Variants in SPACA6 observed in about 807,000 individuals in gnomAD.
The protein encoded by SPACA6 is sperm acrosome membrane-associated protein 6.
For synonymous variants in SPACA6, 6 were observed against 1.5 expected (o/e 4.05, Z -2.21); for missense variants, 8 against 2.8 (o/e 2.88, Z -1.34).
intron 3 of SPACA6, 95 bp downstream of exon 3, chr19:51,701,821 C>T (rs1218096668): frequency 1.0e-5 from 4 of 388,520 alleles, no homozygotes; most frequent in Non-Finnish European, 1.8e-5. Flanking sequence ...GCCTGTAATC[C>T]CAGCACTTTG....
At chr19:51,709,614 C>CAAAAA (rs56844884), downstream of SPACA6, among the ~76,000 whole-genome samples, 25 of 93,094 alleles carry the variant, frequency 2.7e-4, no homozygotes, top group African/African-American at 6.5e-4. Flanking sequence ...GACTCTGTCA[C>CAAAAA]AAAAAAAAAA....
At chr19:51,704,692 C>G (rs1399416832) in intron 8 of SPACA6, 2 of 397,050 alleles carry the variant, frequency 5.0e-6, no homozygotes, top group Non-Finnish European at 8.9e-6. Flanking sequence ...AGAGTCCAGG[C>G]CCCCAGCCCC....
At chr19:51,694,877 T>G (rs8109852) in intron 2 of SPACA6, among the ~76,000 whole-genome samples, 30,820 of 151,916 alleles carry the variant, frequency 0.2, 3,179 homozygotes, top group South Asian at 0.29. Flanking sequence ...GTTCTGGGTG[T>G]GTCACTGCCC....
intron 2 of SPACA6, among the ~76,000 whole-genome samples, chr19:51,699,390 A>T (rs139249815): frequency 2.8e-4 from 43 of 152,322 alleles, no homozygotes; most frequent in African/African-American, 9.9e-4. Flanking sequence ...ACTGCAAGGA[A>T]GGCTGGGAGA....
upstream of SPACA6, among the ~76,000 whole-genome samples, chr19:51,684,458 T>G (rs2083319348): frequency 6.6e-6 from 1 of 152,098 alleles, no homozygotes; most frequent in Non-Finnish European, 1.5e-5. Flanking sequence ...AGAAAATAAT[T>G]AATTGTGGAA....
rs561778297 is a variant in SPACA6, at chr19:51,694,033, AG to A, written c.214+294del. On this transcript the variant is annotated intron_variant, in intron 1 of 8. Coordinates refer to ENST00000637797, the MANE Select transcript of SPACA6 (RefSeq NM_001316972.2). ...GGAAGATGGAGACTCGGAAAGATGG[AG>A]ACTCAGGAGTATGGAGAGTCAGAGA... The A allele has an allele frequency of 1.9e-3, 543 of 285,810 alleles. 2 individuals carry two copies. Among genetic ancestry groups the A allele is most frequent in the South Asian group, 0.018 (105 of 5,924 alleles). The allele number at this position is 285,810 out of a possible 1,614,324, so 17.7% of individuals were successfully genotyped here.
At chr19:51,689,430 G>A (rs1413676538), upstream of SPACA6, 2 of 152,416 alleles carry the variant, frequency 1.3e-5, no homozygotes, top group African/African-American at 4.8e-5. Flanking sequence ...AGAAGGGAAG[G>A]AGGATGGCGG....
At chr19:51,699,897 C>T (rs8107937) in intron 2 of SPACA6, among the ~76,000 whole-genome samples, 25,672 of 152,128 alleles carry the variant, frequency 0.17, 2,320 homozygotes, top group South Asian at 0.24. Flanking sequence ...ATCAAGTCAG[C>T]TGTCTATTCT....
chr19:51,707,913 A>G (rs1192334500), downstream of SPACA6, among the ~76,000 whole-genome samples: 1 of 152,216 alleles, frequency 6.6e-6, no homozygotes, highest in Non-Finnish European at 1.5e-5. Context: ...CCAAGTGCAG[A>G]AGTTTCTGTC....
At chr19:51,694,286 C>CT in intron 1 of SPACA6, 192 bp from the exon 2 acceptor site, 1 of 280,052 alleles carries the variant, frequency 3.6e-6, no homozygotes, top group African/African-American at 2.8e-5. Context: ...AGCGACTGGT[C>CT]GGGGGCAGAG....
chr19:51,709,064 C>G (rs1056312413), downstream of SPACA6, among the ~76,000 whole-genome samples: 14 of 151,892 alleles, frequency 9.2e-5, no homozygotes, highest in African/African-American at 3.4e-4. Flanking sequence ...AGACTTACCT[C>G]TGTAAGAGAT....
At chr19:51,685,103 G>A (rs1268035165), upstream of SPACA6, among the ~76,000 whole-genome samples, 1 of 152,198 alleles carries the variant, frequency 6.6e-6, no homozygotes, top group Non-Finnish European at 1.5e-5. Context: ...ATTCAAGGTA[G>A]GTTAAGGTGT....
chr19:51,686,048 T>C (rs1162792662), upstream of SPACA6: 4 of 152,224 alleles, frequency 2.6e-5, no homozygotes, highest in African/African-American at 9.7e-5. Context: ...GTTCTGGATA[T>C]TTGTAGGAAT....
chr19:51,706,738 CA>C (rs1299181427), downstream of SPACA6, among the ~76,000 whole-genome samples: 3 of 152,024 alleles, frequency 2.0e-5, no homozygotes. Flanking sequence ...CGGCTCACTG[CA>C]ACCTCCACCT....
At chr19:51,689,271 C>A (rs1400541758), upstream of SPACA6, 2 of 150,112 alleles carry the variant, frequency 1.3e-5, no homozygotes, top group African/African-American at 4.9e-5. Context: ...GAAGCCAGGC[C>A]GGACTGGGCT....
downstream of SPACA6, among the ~76,000 whole-genome samples, chr19:51,706,291 CT>C (rs1055875141): frequency 1.3e-5 from 2 of 151,930 alleles, no homozygotes; most frequent in Non-Finnish European, 2.9e-5. Flanking sequence ...ATATTTTCTC[CT>C]TTTTTTTGTC....
At chr19:51,699,812 G>C (rs8108016) in intron 2 of SPACA6, among the ~76,000 whole-genome samples, 34,805 of 152,000 alleles carry the variant, frequency 0.23, 5,970 homozygotes, top group East Asian at 0.57. Flanking sequence ...TTTGGTTGCG[G>C]GGGATGGGGG....
At chr19:51,709,933 A>T (rs1417109274), downstream of SPACA6, among the ~76,000 whole-genome samples, 1 of 152,102 alleles carries the variant, frequency 6.6e-6, no homozygotes, top group African/African-American at 2.4e-5. Flanking sequence ...GTGCAGTCAA[A>T]CCCTCTGCCA....
At chr19:51,689,977 C>T (rs1194523454), upstream of SPACA6, among the ~76,000 whole-genome samples, 1 of 129,376 alleles carries the variant, frequency 7.7e-6, no homozygotes, top group East Asian at 2.3e-4. Flanking sequence ...AGGGATGGGG[C>T]TGCGGGGCTT....
Sources: gnomAD v4.1 joint callset for allele counts (sites outside exome capture counted in the v4.1 genomes callset) on GRCh38, gnomAD v4.1.1 for gene constraint, MANE v1.5 for transcripts, NCBI Gene and HGNC (gene_info 2026-07-23, HGNC 2026-07-21) for gene names.